The following CFAP74 variants were observed in gnomAD, a reference collection of about 807,000 sequenced individuals.
CFAP74 encodes cilia and flagella associated protein 74, also known as cilia- and flagella-associated protein 74.
Under a neutral mutation model 188.9 loss-of-function variants are expected in CFAP74, and 124 were observed. That is an observed-to-expected ratio of 0.66 (90% CI 0.57 to 0.76). The LOEUF (loss-of-function observed/expected upper bound fraction) is 0.76. Ranked by LOEUF, CFAP74 falls within the 30% of genes least tolerant of loss-of-function variation. The pLI is 0.00. For missense variants in CFAP74, 2,198 were observed against 2,165.2 expected, an observed-to-expected ratio of 1.02 and a Z score of -0.30; for synonymous variants, 956 against 916.7, an observed-to-expected ratio of 1.04 and a Z score of -0.77.
rs764615773 is a variant in CFAP74 at position 1,988,496 on chromosome 1, C to T, written c.296+16G>A. The T allele has an allele frequency of 2.5e-6, 4 of 1,609,144 alleles. No individual in the cohort carries two copies. In the Admixed American group the frequency reaches 6.7e-5, roughly 27 times the overall value. On this transcript the variant is annotated intron_variant, in intron 4 of 38. Transcript: ENST00000682832. ...CATCAAGAGGTGCAGGTGCAGCGGC[C>T]TCAGCCCCAGCTCACCTCATCTTCT...
chr1:1,965,808 G>A (rs1448295805), intron 12 of CFAP74, among the ~76,000 whole-genome samples: 1 of 152,338 alleles, frequency 6.6e-6, no homozygotes, highest in East Asian at 1.9e-4. Context: ...GGTGGCTTTT[G>A]CCCTGACAGT....
intron 12 of CFAP74, among the ~76,000 whole-genome samples, chr1:1,966,069 T>C (rs1023692035): frequency 7.9e-5 from 12 of 152,360 alleles, no homozygotes; most frequent in Admixed American, 2.6e-4. Context: ...CCTCAGCCTT[T>C]CAGCTTTGGA....
intron 16 of CFAP74, among the ~76,000 whole-genome samples, chr1:1,958,144 A>G (rs1252457739): frequency 6.6e-6 from 1 of 152,348 alleles, no homozygotes; most frequent in Non-Finnish European, 1.5e-5. Flanking sequence ...CGACAGAGAA[A>G]GTTACACAGG....
intron 21 of CFAP74, among the ~76,000 whole-genome samples, chr1:1,943,172 G>A (rs961231356): frequency 3.3e-5 from 5 of 152,176 alleles, no homozygotes; most frequent in South Asian, 4.1e-4. Flanking sequence ...AACCACAGCC[G>A]GAGACCATCC....
chr1:1,963,708 T>A, intron 14 of CFAP74, 41 bp downstream of exon 14: 2 of 1,318,520 alleles, frequency 1.5e-6, no homozygotes, highest in South Asian at 2.4e-5. Context: ...CCTCCTGCTG[T>A]CCCTGCACCG....
intron 6 of CFAP74, among the ~76,000 whole-genome samples, chr1:1,982,177 G>A (rs1266566373): frequency 1.3e-5 from 2 of 151,208 alleles, no homozygotes; most frequent in Non-Finnish European, 3.0e-5. Flanking sequence ...CCCAGCCACG[G>A]ACAGACACGG....
chr1:2,001,396 G>A (rs1335992408), intron 1 of CFAP74, among the ~76,000 whole-genome samples: 2 of 151,776 alleles, frequency 1.3e-5, no homozygotes, highest in Non-Finnish European at 2.9e-5. Context: ...GTGGCGCAGG[G>A]TCGGCTCACT....
chr1:1,982,343 C>G (rs1656954272), intron 6 of CFAP74, among the ~76,000 whole-genome samples: 1 of 151,538 alleles, frequency 6.6e-6, no homozygotes. Context: ...CGCAGGACAC[C>G]CAGCCGTGGT....
In CFAP74 at chr1:1,968,220, A is replaced by G. The variant is rs536914490; in HGVS notation, c.1245+415T>C. Among the ~76,000 whole-genome samples the G allele has an allele frequency of 6.6e-6, 1 of 152,260 alleles. No individual in the cohort carries two copies. Among genetic ancestry groups the G allele is most frequent in the Admixed American group, 6.5e-5 (1 of 15,304 alleles). ...ATAGGAAAGCTGTCCTCTAGGTGCT[A>G]TCAGGAGTGCTTTGTAGCAGGGTGA... On this transcript the variant is annotated intron_variant, in intron 11 of 38. Transcript: ENST00000682832. The surrounding 1 kb of genome is among the most constrained non-coding windows in gnomAD (Gnocchi z 4.3).
chr1:1,969,851 C>A (rs1655808119), intron 10 of CFAP74, among the ~76,000 whole-genome samples: 1 of 152,222 alleles, frequency 6.6e-6, no homozygotes, highest in Non-Finnish European at 1.5e-5. Flanking sequence ...CCAGGCAGAT[C>A]CTAAGCAGTG....
intron 13 of CFAP74, 145 bp downstream of exon 13, chr1:1,964,743 T>C: frequency 1.2e-6 from 1 of 801,820 alleles, no homozygotes; most frequent in Admixed American, 2.8e-5. Flanking sequence ...TGACCTGAGA[T>C]TATGCCGTTG....
At chr1:1,929,012 G>T in intron 26 of CFAP74, 130 bp from the exon 27 acceptor site, 1 of 628,198 alleles carries the variant, frequency 1.6e-6, no homozygotes, top group Non-Finnish European at 2.8e-6. Context: ...ATTTCAGGCT[G>T]CGTGCCCCTT....
At chr1:1,943,945 C>T (rs894453880) in intron 21 of CFAP74, among the ~76,000 whole-genome samples, 1 of 152,128 alleles carries the variant, frequency 6.6e-6, no homozygotes, top group Non-Finnish European at 1.5e-5. Context: ...TCTTGGAAGC[C>T]GACAGTGCAG....
At chr1:1,956,866 G>C in intron 16 of CFAP74, 82 bp from the exon 17 acceptor site, 1 of 1,450,166 alleles carries the variant, frequency 6.9e-7, no homozygotes, top group Non-Finnish European at 9.5e-7. Context: ...CGTGGCTCCA[G>C]GCAGGGCTGC....
intron 25 of CFAP74, among the ~76,000 whole-genome samples, chr1:1,937,986 G>T (rs1397923903): frequency 6.6e-6 from 1 of 151,822 alleles, no homozygotes; most frequent in African/African-American, 2.4e-5. Flanking sequence ...ACGCATGGTC[G>T]CACACTCAAG....
At chr1:1,969,023 G>C (rs1655691818) in intron 10 of CFAP74, among the ~76,000 whole-genome samples, 190 bp from the exon 11 acceptor site, 1 of 151,962 alleles carries the variant, frequency 6.6e-6, no homozygotes, top group African/African-American at 2.4e-5. Context: ...CTACCCAGCA[G>C]GGCTCTTGGG....
rs539012409 is a variant in CFAP74 at position 1,968,621 on chromosome 1, G to A, written c.1245+14C>T. On this transcript the variant is annotated intron_variant, in intron 11 of 38. Transcript: ENST00000682832. This position sits in a 1 kb window ranked among gnomAD's most constrained non-coding sequence, Gnocchi z 4.3. The stretch of plus-strand genomic sequence containing the variant: ...GGTGTGCGGCTTCTGTCTACAGGAA[G>A]GCGTTTTGCTCACCAGTGTGTACGT... 52 of 1,609,898 alleles carry A rather than the reference G, an allele frequency of 3.2e-5. No individual in the cohort carries two copies. In the East Asian group the frequency reaches 1.1e-3, roughly 35 times the overall value.
rs1006904019 is a variant in CFAP74 at position 1,968,981 on chromosome 1, C to T, written c.1047-148G>A. 17 of 406,314 alleles carry T rather than the reference C, an allele frequency of 4.2e-5. No individual in the cohort carries two copies. Among genetic ancestry groups the T allele is most frequent in the Non-Finnish European group, 6.5e-5 (15 of 231,782 alleles). The allele number at this position is 406,314 out of a possible 1,614,324, so 25.2% of individuals were successfully genotyped here. On this transcript the variant is annotated intron_variant, in intron 10 of 38. Coordinates refer to ENST00000682832, the MANE Select transcript of CFAP74 (RefSeq NM_001304360.2). The surrounding 1 kb of genome is among the most constrained non-coding windows in gnomAD (Gnocchi z 4.3). ...CCCCAGGTGAGACAGCGCCTGGCGG[C>T]CCCTCCCTAGCTCCCTCCTGGGGAC...
intron 29 of CFAP74, 51 bp from the exon 30 acceptor site, chr1:1,926,812 C>A (rs1427940753): frequency 6.5e-7 from 1 of 1,548,444 alleles, no homozygotes; most frequent in Non-Finnish European, 8.7e-7. Context: ...CCCTGCCCGC[C>A]CAGGCCCCAG....
Sources: allele counts gnomAD v4.1 joint callset (sites outside exome capture counted in the v4.1 genomes callset), GRCh38; gene constraint gnomAD v4.1.1; non-coding constraint Gnocchi (gnomAD v3.1); transcripts MANE v1.5; gene names NCBI Gene and HGNC (gene_info 2026-07-23, HGNC 2026-07-21).